Variants in GLIS3 observed in about 807,000 individuals in gnomAD.
GLIS3 encodes zinc finger protein GLIS3.
Under a neutral mutation model 78.6 loss-of-function variants are expected in GLIS3, and 53 were observed. That is an observed-to-expected ratio of 0.67 (90% CI 0.54 to 0.85). The LOEUF is 0.85. Ranked by LOEUF, GLIS3 falls within the 40% of genes least tolerant of loss-of-function variation. GLIS3 has a pLI of 0.00. For missense variants in GLIS3, 1,703 were observed against 1,231.1 expected, an observed-to-expected ratio of 1.38 and a Z score of -5.74; for synonymous variants, 684 against 509.9, an observed-to-expected ratio of 1.34 and a Z score of -4.60.
intron 4 of GLIS3, chr9:4,071,612 C>G (rs1411641246): frequency 6.6e-6 from 1 of 152,146 alleles, no homozygotes; most frequent in Non-Finnish European, 1.5e-5. Flanking sequence ...GAAAAGAATA[C>G]TATGCAAAAG....
chr9:3,829,838 T>C (rs1817946184), intron 9 of GLIS3, among the ~76,000 whole-genome samples: 1 of 152,220 alleles, frequency 6.6e-6, no homozygotes, highest in South Asian at 2.1e-4. Flanking sequence ...CCCGTCGGCA[T>C]TTAAATGCAT....
chr9:4,211,590 G>C (rs550696280), intron 2 of GLIS3, among the ~76,000 whole-genome samples: 1 of 152,358 alleles, frequency 6.6e-6, no homozygotes, highest in East Asian at 1.9e-4. Flanking sequence ...ATGTAAAATG[G>C]TGAAGCAACT....
chr9:4,046,986 C>T (rs1825303783), intron 4 of GLIS3, among the ~76,000 whole-genome samples: 1 of 152,120 alleles, frequency 6.6e-6, no homozygotes. Flanking sequence ...GGAAAGTTGT[C>T]GGAGTGTAGA....
At chr9:4,368,256 G>C in the GLIS3 span, among the ~76,000 whole-genome samples, 2 of 151,900 alleles carry the variant, frequency 1.3e-5, no homozygotes, top group East Asian at 1.9e-4. Flanking sequence ...CCTTACTATG[G>C]AGCTTTCTCA....
In GLIS3 at chr9:3,937,115, C is replaced by T. The variant is rs1174208123; in HGVS notation, c.1785G>A (p.Lys595=). The T allele has an allele frequency of 6.2e-7, 1 of 1,614,092 alleles. No individual in the cohort carries two copies. The highest frequency in any genetic ancestry group is 8.5e-7 in the Non-Finnish European group (1 of 1,180,034). Reference sequence around the variant, plus strand: ...AACCCGGATGCTGGCACAAATACGGCTTCTCGCCTGTGTGGCTCCGCAAGT... The same window carrying T: ...AACCCGGATGCTGGCACAAATACGGTTTCTCGCCTGTGTGGCTCCGCAAGT... ...KIHLRSHTGE[K]PYLCQHPGCQ... Residue 595 remains lysine (K), a synonymous_variant, in exon 5 of 11, where the codon AAG becomes AAA. Coordinates refer to ENST00000381971, the MANE Select transcript of GLIS3 (RefSeq NM_001042413.2).
chr9:4,230,135 A>G (rs1474570688), intron 2 of GLIS3, among the ~76,000 whole-genome samples: 1 of 152,244 alleles, frequency 6.6e-6, no homozygotes, highest in Non-Finnish European at 1.5e-5. Context: ...TGTAAGTTCA[A>G]GCTCCAAAAC....
chr9:4,133,981 C>G (rs994928126), intron 2 of GLIS3, among the ~76,000 whole-genome samples: 1 of 152,102 alleles, frequency 6.6e-6, no homozygotes, highest in African/African-American at 2.4e-5. Context: ...ACAATGATTA[C>G]TTCGAACTAA....
At position 4,027,006 on chromosome 9, in the gene GLIS3, G is replaced by C. The variant is rs371162749; in HGVS notation, c.1711-89817C>G. The stretch of plus-strand genomic sequence containing the variant: ...TCTCATGATTTAAGGCCACATGTGG[G>C]AGAGGGAGAAGGAGAGGGAGAGAGC... On this transcript the variant is annotated intron_variant, in intron 4 of 10. Transcript: ENST00000381971. Among the ~76,000 whole-genome samples, 31 of 152,302 alleles carry C rather than the reference G, an allele frequency of 2.0e-4. 1 individual carries two copies. The South Asian group carries it at 6.4e-3, about 32-fold the overall frequency.
chr9:4,209,722 T>C (rs1820217792), intron 2 of GLIS3, among the ~76,000 whole-genome samples: 1 of 152,198 alleles, frequency 6.6e-6, no homozygotes, highest in Admixed American at 6.5e-5. Context: ...CATTCTGAGC[T>C]AGCTAATTCT....
At chr9:3,960,634 C>G (rs1420831113) in intron 4 of GLIS3, among the ~76,000 whole-genome samples, 1 of 151,986 alleles carries the variant, frequency 6.6e-6, no homozygotes, top group East Asian at 1.9e-4. Flanking sequence ...TTTGGTGGAC[C>G]GATAATTGGT....
intron 4 of GLIS3, among the ~76,000 whole-genome samples, chr9:4,089,751 T>G (rs912220714): frequency 6.6e-6 from 1 of 152,016 alleles, no homozygotes; most frequent in Non-Finnish European, 1.5e-5. Context: ...TCCAGGAGTT[T>G]GAGGCTATGG....
intron 4 of GLIS3, among the ~76,000 whole-genome samples, chr9:4,063,847 G>A (rs1826857242): frequency 6.6e-6 from 1 of 152,106 alleles, no homozygotes; most frequent in Non-Finnish European, 1.5e-5. Flanking sequence ...AAGGTATAAT[G>A]GGATCTCATC....
At chr9:4,229,448 C>G (rs1822065938) in intron 2 of GLIS3, among the ~76,000 whole-genome samples, 2 of 152,142 alleles carry the variant, frequency 1.3e-5, no homozygotes, top group Admixed American at 6.5e-5. Context: ...AGAGCACAAC[C>G]TACTGGAATA....
At chr9:3,981,619 C>T (rs1173766414) in intron 4 of GLIS3, among the ~76,000 whole-genome samples, 1 of 152,116 alleles carries the variant, frequency 6.6e-6, no homozygotes. Flanking sequence ...AAACACAGCA[C>T]CTGAAACATA....
intron 9 of GLIS3, among the ~76,000 whole-genome samples, chr9:3,836,001 A>G (rs1363932208): frequency 6.6e-6 from 1 of 152,250 alleles, no homozygotes; most frequent in African/African-American, 2.4e-5. Flanking sequence ...TTTACGGGAT[A>G]CATAGAGATG....
the GLIS3 span, among the ~76,000 whole-genome samples, chr9:4,458,256 G>A: frequency 1.9e-4 from 29 of 152,254 alleles, no homozygotes; most frequent in African/African-American, 6.5e-4. Context: ...ATCAGCTATC[G>A]TTTTGGGGCC....
intron 4 of GLIS3, among the ~76,000 whole-genome samples, chr9:4,074,829 T>C (rs1827911734): frequency 2.6e-5 from 4 of 152,194 alleles, no homozygotes; most frequent in African/African-American, 9.7e-5. Flanking sequence ...CTCCATTTGG[T>C]CATTAGGCAT....
chr9:4,480,142 C>T, the GLIS3 span, among the ~76,000 whole-genome samples: 3 of 150,540 alleles, frequency 2.0e-5, no homozygotes, highest in Admixed American at 6.6e-5. Context: ...TAGGTGGAGA[C>T]GTGTCTTTCT....
chr9:4,315,438 T>C (rs1817422510), intron 2 of GLIS3, among the ~76,000 whole-genome samples: 1 of 152,194 alleles, frequency 6.6e-6, no homozygotes, highest in South Asian at 2.1e-4. Flanking sequence ...CTGTATGCTC[T>C]CCATTTAATA....
Sources: gnomAD v4.1 joint callset for allele counts (sites outside exome capture counted in the v4.1 genomes callset) on GRCh38, gnomAD v4.1.1 for gene constraint, MANE v1.5 for transcripts, NCBI Gene and HGNC (gene_info 2026-07-23, HGNC 2026-07-21) for gene names.